Variants in ACBD3 observed in about 807,000 individuals in gnomAD.
ACBD3 encodes the protein acyl-CoA binding domain containing 3, also known as Golgi resident protein GCP60.
Under a neutral mutation model 66.9 loss-of-function variants are expected in ACBD3, and 30 were observed. The observed-to-expected ratio is 0.45, with a 90% CI of 0.34 to 0.61. The LOEUF is 0.61. Ranked by LOEUF, ACBD3 falls within the 20% of genes least tolerant of loss-of-function variation. The pLI is 0.02. For synonymous variants in ACBD3, 278 were observed against 259.8 expected, an observed-to-expected ratio of 1.07 and a Z score of -0.68; for missense variants, 544 against 664.5, an observed-to-expected ratio of 0.82 and a Z score of 1.99.
intron 1 of ACBD3, among the ~76,000 whole-genome samples, chr1:226,177,545 G>A (rs1656069525): frequency 1.3e-5 from 2 of 151,682 alleles, no homozygotes; most frequent in South Asian, 4.2e-4. Flanking sequence ...CTTGAATCAG[G>A]AACAGTCAAT....
At chr1:226,175,901 T>C (rs1411661259) in intron 1 of ACBD3, among the ~76,000 whole-genome samples, 1 of 152,210 alleles carries the variant, frequency 6.6e-6, no homozygotes. Context: ...CATAAGCTAC[T>C]ATGACACAAG....
intron 7 of ACBD3, among the ~76,000 whole-genome samples, chr1:226,147,669 A>G (rs1353029741): frequency 6.6e-6 from 1 of 152,214 alleles, no homozygotes. Context: ...GATACTCTGA[A>G]AATTCAATTA....
At chr1:226,166,032 T>C (rs1481812833) in intron 1 of ACBD3, 32 bp from the exon 2 acceptor site, 41 of 1,589,760 alleles carry the variant, frequency 2.6e-5, no homozygotes, top group Non-Finnish European at 3.3e-5. Flanking sequence ...AGAAAACAAT[T>C]AGCACAGGCA....
At chr1:226,154,965 T>C in intron 5 of ACBD3, 132 bp from the exon 6 acceptor site, 1 of 548,544 alleles carries the variant, frequency 1.8e-6, no homozygotes, top group Middle Eastern at 4.8e-4. Context: ...TAATAAATTT[T>C]TATCAGTTTT....
At chr1:226,185,922 A>C (rs921037585) in intron 1 of ACBD3, among the ~76,000 whole-genome samples, 2 of 152,216 alleles carry the variant, frequency 1.3e-5, no homozygotes, top group Non-Finnish European at 2.9e-5. Flanking sequence ...GAATGGCTGG[A>C]AAAGCTATGT....
At position 226,178,663 on chromosome 1, in the gene ACBD3, CAAAGG is replaced by C. The variant is rs1244441856; in HGVS notation, c.286+7722_286+7726del. 7.3e-5 allele frequency among the ~76,000 whole-genome samples: 11 copies of C among 151,428 alleles called. No homozygotes were observed. The East Asian group carries it at 2.1e-3, about 29-fold the overall frequency. ...ATATTTTTTCTCTTCTCTCTGGAGGCAAAGGAAAGTACCAAATTATTTCAATGTCC... is the reference window on the plus strand; with the variant it reads ...ATATTTTTTCTCTTCTCTCTGGAGGCAAAGTACCAAATTATTTCAATGTCC... On this transcript the variant is annotated intron_variant, in intron 1 of 7. Transcript: ENST00000366812.
At position 226,146,657 on chromosome 1, in the gene ACBD3, A is replaced by G. The variant is rs1479128412; in HGVS notation, c.1540T>C (p.Leu514=). ...YLLKFDNSYS[L]WRSKSVYYRV... ...TAGTAGACTGATTTTGACCGCCACA[A>G]AGAGTAGGAGTTGTCAAACTTGAGG... The change falls in exon 8 of 8, where the codon TTG becomes CTG. Residue 514 remains leucine, a synonymous_variant. Coordinates refer to ENST00000366812, the MANE Select transcript of ACBD3 (RefSeq NM_022735.4). The G allele has an allele frequency of 6.2e-7, 1 of 1,613,992 alleles. No individual in the cohort carries two copies. Among genetic ancestry groups the G allele is most frequent in the Admixed American group, 1.7e-5 (1 of 59,966 alleles).
Position 226,144,930 on chromosome 1 carries a change from T to C in ACBD3, c.*1680A>G, listed in dbSNP as rs992690969. 1.3e-5 allele frequency: 2 copies of C among 152,442 alleles called. No homozygotes were observed. Among genetic ancestry groups the C allele is most frequent in the Non-Finnish European group, 2.9e-5 (2 of 68,018 alleles). The allele number at this position is 152,442 out of a possible 1,614,324, so 9.4% of individuals were successfully genotyped here. On this transcript the variant is annotated 3_prime_UTR_variant, in exon 8 of 8. Coordinates refer to ENST00000366812, the MANE Select transcript of ACBD3 (RefSeq NM_022735.4). ...ATTTGTAATCAAAGGCTGGAAGAAA[T>C]ATATATTAGTGCCTGCTTTTTAAAA...
chr1:226,168,134 A>G (rs1051928805), intron 1 of ACBD3, among the ~76,000 whole-genome samples: 5 of 152,228 alleles, frequency 3.3e-5, no homozygotes, highest in African/African-American at 1.2e-4. Flanking sequence ...ATTAGATACA[A>G]TAAGAGATTA....
Position 226,186,453 on chromosome 1 carries a change from G to C in ACBD3, c.223C>G (p.Leu75Val). ...AGGCCGAAACCCCAGCGCTGCTCCA[G>C]CCGCCGCGCCTCCTCCGCCGCGCCC... ...AGGAAEEARR[L>V]EQRWGFGLEE... Residue 75 changes from leucine to valine, a missense_variant, in exon 1 of 8, where the codon CTG (leucine) becomes GTG (valine). By Grantham distance (32) the Leu-to-Val change is conservative. Transcript: ENST00000366812. The C allele has an allele frequency of 6.6e-7, 1 of 1,506,928 alleles. No homozygotes were observed. The highest frequency in any genetic ancestry group is 2.0e-4 in the Middle Eastern group (1 of 4,988). 93.3% of individuals were successfully genotyped at this position (1,506,928 alleles called of 1,614,324 possible).
At chr1:226,155,790 G>A (rs1408351375) in intron 5 of ACBD3, among the ~76,000 whole-genome samples, 1 of 152,152 alleles carries the variant, frequency 6.6e-6, no homozygotes, top group Non-Finnish European at 1.5e-5. Flanking sequence ...GAATCAAACA[G>A]ACTTACAGGA....
chr1:226,161,697 G>A lies in ACBD3; in HGVS notation c.570-8C>T. 1.3e-6 allele frequency: 2 copies of A among 1,574,314 alleles called. No individual in the cohort carries two copies. Among genetic ancestry groups the A allele is most frequent in the Admixed American group, 1.9e-5 (1 of 52,852 alleles). On this transcript the variant is annotated splice_polypyrimidine_tract_variant and splice_region_variant and intron_variant, in intron 3 of 7. Transcript: ENST00000366812. ...CGCTCCTCTTCCTCCTTCCTACAAGGCAAAGATAGAGAATGAACCCTATAC... is the reference window on the plus strand; with the variant it reads ...CGCTCCTCTTCCTCCTTCCTACAAGACAAAGATAGAGAATGAACCCTATAC...
Position 226,145,662 on chromosome 1 carries a change from A to T in ACBD3, c.*948T>A, listed in dbSNP as rs1011033540. The stretch of plus-strand genomic sequence containing the variant: ...CTAAGTAGTAACAAATTAAAAGAAA[A>T]TAGACTGTCTCTGGCAGTGATTTCC... On this transcript the variant is annotated 3_prime_UTR_variant, in exon 8 of 8. Transcript: ENST00000366812. 4 of 152,644 alleles carry T rather than the reference A, an allele frequency of 2.6e-5. No individual in the cohort carries two copies. Among genetic ancestry groups the T allele is most frequent in the African/African-American group, 9.6e-5 (4 of 41,458 alleles). The allele number at this position is 152,644 out of a possible 1,614,324, so 9.5% of individuals were successfully genotyped here.
intron 1 of ACBD3, among the ~76,000 whole-genome samples, chr1:226,181,967 A>G (rs1218184139): frequency 6.6e-6 from 1 of 152,116 alleles, no homozygotes; most frequent in Non-Finnish European, 1.5e-5. Flanking sequence ...GTGGTAGCTC[A>G]TGCCTGTAAT....
At chr1:226,176,492 C>G (rs1656037694) in intron 1 of ACBD3, among the ~76,000 whole-genome samples, 1 of 151,354 alleles carries the variant, frequency 6.6e-6, no homozygotes, top group Admixed American at 6.6e-5. Context: ...CTGCTGACAC[C>G]TTGATTTTAC....
Position 226,170,151 on chromosome 1 carries a change from C to CTT in ACBD3, c.287-4153_287-4152dup, listed in dbSNP as rs5781423. 0.016 allele frequency among the ~76,000 whole-genome samples: 2,215 copies of CTT among 136,472 alleles called. 116 individuals carry two copies. The East Asian group carries it at 0.19, about 12-fold the overall frequency. The allele number at this position is 136,472 out of a possible 152,430, so 89.5% of individuals were successfully genotyped here. On this transcript the variant is annotated intron_variant, in intron 1 of 7. Transcript: ENST00000366812. The stretch of plus-strand genomic sequence containing the variant: ...AGACTGAGAGTGCATTTTTCCTTTC[C>CTT]TTTTTTTTTTTGGTTTTTTTTTTTG...
chr1:226,146,850 A>T, intron 7 of ACBD3, 29 bp from the exon 8 acceptor site: 1 of 1,598,530 alleles, frequency 6.3e-7, no homozygotes, highest in Non-Finnish European at 8.6e-7. Context: ...GTCAATGAAC[A>T]GATTCAGGAA....
Position 226,183,971 on chromosome 1 carries a change from C to CACG in ACBD3, c.286+2416_286+2418dup, listed in dbSNP as rs377170588. Among the ~76,000 whole-genome samples the CACG allele has an allele frequency of 6.9e-3, 1,035 of 150,834 alleles. 11 individuals are homozygous for CACG. Among genetic ancestry groups the CACG allele is most frequent in the African/African-American group, 0.024 (983 of 41,020 alleles). ...CTTTGGGAGGCTGACGCAGGAGGAT[C>CACG]ACGAGGTCAGGAAATCGAGACCATC... On this transcript the variant is annotated intron_variant, in intron 1 of 7. Transcript: ENST00000366812.
chr1:226,156,803 C>T (rs1659682098), intron 5 of ACBD3, among the ~76,000 whole-genome samples: 1 of 152,192 alleles, frequency 6.6e-6, no homozygotes, highest in Non-Finnish European at 1.5e-5. Context: ...CAAGTCAGCA[C>T]ACTCAGAACA....
Sources: allele counts gnomAD v4.1 joint callset (sites outside exome capture counted in the v4.1 genomes callset), GRCh38; gene constraint gnomAD v4.1.1; transcripts MANE v1.5; gene names NCBI Gene and HGNC (gene_info 2026-07-23, HGNC 2026-07-21).